The following KIAA1328 variants were observed in gnomAD, a reference collection of about 807,000 sequenced individuals.
KIAA1328 encodes the protein KIAA1328, also known as protein hinderin.
Under a neutral mutation model 68.1 loss-of-function variants are expected in KIAA1328, and 52 were observed. The observed-to-expected ratio is 0.76, with a 90% CI of 0.61 to 0.96. The LOEUF (loss-of-function observed/expected upper bound fraction) is 0.96. Ranked by LOEUF, KIAA1328 falls within the 40% of genes least tolerant of loss-of-function variation. KIAA1328 has a pLI of 0.00. For synonymous variants in KIAA1328, 232 were observed against 239.4 expected (o/e 0.97, Z 0.28); for missense variants, 641 against 677.6 (o/e 0.95, Z 0.60).
intron 7 of KIAA1328, among the ~76,000 whole-genome samples, chr18:37,104,501 A>T (rs565083366): frequency 2.6e-5 from 4 of 152,162 alleles, no homozygotes; most frequent in Non-Finnish European, 4.4e-5. Context: ...GGAGGCTGTG[A>T]AAGGTGGTGT....
chr18:37,118,270 C>G (rs1335520138), intron 7 of KIAA1328, among the ~76,000 whole-genome samples: 2 of 152,132 alleles, frequency 1.3e-5, no homozygotes, highest in Non-Finnish European at 2.9e-5. Flanking sequence ...GCTAGGCTTA[C>G]AGGTGTGAGC....
At chr18:37,163,972 C>T (rs554260620) in intron 8 of KIAA1328, among the ~76,000 whole-genome samples, 1 of 151,882 alleles carries the variant, frequency 6.6e-6, no homozygotes, top group African/African-American at 2.4e-5. Context: ...CCTGGCTAGT[C>T]CACTAAAAAA....
chr18:36,937,789 C>T (rs1159560074), intron 5 of KIAA1328, among the ~76,000 whole-genome samples: 2 of 152,026 alleles, frequency 1.3e-5, no homozygotes, highest in Non-Finnish European at 2.9e-5. Flanking sequence ...TTCACGGCCT[C>T]TGATAACCAC....
intron 4 of KIAA1328, among the ~76,000 whole-genome samples, chr18:36,877,757 C>T (rs962035469): frequency 1.3e-5 from 2 of 150,428 alleles, no homozygotes; most frequent in Non-Finnish European, 3.0e-5. Context: ...AGCTGTGCCT[C>T]CCAGGTTCAG....
chr18:36,885,444 C>A, intron 4 of KIAA1328, 113 bp from the exon 5 acceptor site: 2 of 569,656 alleles, frequency 3.5e-6, no homozygotes, highest in Non-Finnish European at 6.0e-6. Context: ...ACAGAGTGTT[C>A]CTGAAGAATT....
At chr18:37,137,213 G>A (rs979293443) in intron 7 of KIAA1328, among the ~76,000 whole-genome samples, 4 of 151,930 alleles carry the variant, frequency 2.6e-5, no homozygotes, top group Admixed American at 2.6e-4. Flanking sequence ...TGCCCATCAG[G>A]GAATACTGCT....
chr18:37,152,957 G>C (rs2059069529), intron 7 of KIAA1328, among the ~76,000 whole-genome samples: 1 of 152,094 alleles, frequency 6.6e-6, no homozygotes, highest in Non-Finnish European at 1.5e-5. Flanking sequence ...TGGAGGCCAG[G>C]CATGTTCAAC....
At chr18:36,846,743 C>G (rs148102935) in intron 4 of KIAA1328, among the ~76,000 whole-genome samples, 1 of 151,474 alleles carries the variant, frequency 6.6e-6, no homozygotes, top group East Asian at 1.9e-4. Context: ...TGTCTTTTTT[C>G]CCTCTACCTA....
At chr18:36,913,543 T>C (rs866762232) in intron 5 of KIAA1328, among the ~76,000 whole-genome samples, 7 of 131,498 alleles carry the variant, frequency 5.3e-5, no homozygotes, top group South Asian at 2.8e-4. Context: ...AGCAACTGCC[T>C]ACACACACAC....
chr18:37,011,091 T>A (rs2053963686), intron 6 of KIAA1328, among the ~76,000 whole-genome samples: 1 of 152,158 alleles, frequency 6.6e-6, no homozygotes, highest in Non-Finnish European at 1.5e-5. Flanking sequence ...ACTGCAGAAA[T>A]TTAGGGGCTG....
At chr18:37,133,042 C>T (rs1485484582) in intron 7 of KIAA1328, among the ~76,000 whole-genome samples, 1 of 152,032 alleles carries the variant, frequency 6.6e-6, no homozygotes, top group African/African-American at 2.4e-5. Flanking sequence ...AAAGATAAAA[C>T]TAGCAATGGT....
intron 7 of KIAA1328, among the ~76,000 whole-genome samples, chr18:37,156,463 G>C (rs1049964733): frequency 6.8e-6 from 1 of 147,110 alleles, no homozygotes; most frequent in Non-Finnish European, 1.5e-5. Context: ...GAATGGGAAC[G>C]AGGGCTTTCT....
At chr18:37,090,577 T>C (rs2057238982) in intron 7 of KIAA1328, among the ~76,000 whole-genome samples, 1 of 152,140 alleles carries the variant, frequency 6.6e-6, no homozygotes, top group African/African-American at 2.4e-5. Flanking sequence ...AACCTCACAT[T>C]AGATGAAATA....
intron 7 of KIAA1328, among the ~76,000 whole-genome samples, chr18:37,069,032 A>T (rs893061354): frequency 6.6e-6 from 1 of 152,098 alleles, no homozygotes; most frequent in Non-Finnish European, 1.5e-5. Flanking sequence ...ATAAAGTTTT[A>T]TCATAGGTGT....
intron 9 of KIAA1328, among the ~76,000 whole-genome samples, chr18:37,174,026 A>G (rs939893509): frequency 6.6e-6 from 1 of 152,206 alleles, no homozygotes; most frequent in African/African-American, 2.4e-5. Flanking sequence ...CTTTTGAGAA[A>G]TGACTCCAAC....
intron 5 of KIAA1328, among the ~76,000 whole-genome samples, chr18:36,925,203 A>T (rs1283285264): frequency 2.6e-5 from 4 of 152,160 alleles, no homozygotes; most frequent in African/African-American, 9.7e-5. Context: ...TCTCTATATA[A>T]TTTAAGGTAA....
At chr18:36,906,110 T>C in intron 5 of KIAA1328, among the ~76,000 whole-genome samples, 1 of 152,174 alleles carries the variant, frequency 6.6e-6, no homozygotes, top group Non-Finnish European at 1.5e-5. Context: ...TCAACAGCTT[T>C]CCTCCCCTCT....
intron 5 of KIAA1328, among the ~76,000 whole-genome samples, chr18:36,957,059 C>T (rs905153487): frequency 2.0e-5 from 3 of 152,158 alleles, no homozygotes. Flanking sequence ...CCTCTTCTAT[C>T]ATCTACCTCT....
chr18:36,932,503 C>T lies in KIAA1328; in HGVS notation c.449-26805C>T, dbSNP rs138590061. 1.8e-4 allele frequency among the ~76,000 whole-genome samples: 28 copies of T among 152,278 alleles called. No individual in the cohort carries two copies. The East Asian group carries it at 4.8e-3, about 26-fold the overall frequency. ...CCTTCCAAAGTGCTGGGATTACAGACGTGAGCCTCTGTGCATGGCCAAGAT... is the reference window on the plus strand; with the variant it reads ...CCTTCCAAAGTGCTGGGATTACAGATGTGAGCCTCTGTGCATGGCCAAGAT... On this transcript the variant is annotated intron_variant, in intron 5 of 9. Coordinates refer to ENST00000280020, the MANE Select transcript of KIAA1328 (RefSeq NM_020776.3).
Sources: allele counts gnomAD v4.1 joint callset (sites outside exome capture counted in the v4.1 genomes callset), GRCh38; gene constraint gnomAD v4.1.1; transcripts MANE v1.5; gene names NCBI Gene and HGNC (gene_info 2026-07-23, HGNC 2026-07-21).